ERLEC1: variants seen among roughly 807,000 people sequenced by gnomAD.
ERLEC1 encodes the protein endoplasmic reticulum lectin 1, also known as ER lectin.
ERLEC1 carries 47 observed loss-of-function variants against 68.0 expected under a neutral mutation model. The observed-to-expected ratio is 0.69, with a 90% confidence interval of 0.55 to 0.88. The LOEUF (loss-of-function observed/expected upper bound fraction) is 0.88. Ranked by LOEUF, ERLEC1 falls within the 40% of genes least tolerant of loss-of-function variation. The pLI, the probability that ERLEC1 is intolerant of heterozygous loss-of-function variation, is 0.00. For missense variants in ERLEC1, 567 were observed against 583.8 expected (o/e 0.97, Z 0.30); for synonymous variants, 225 against 203.2 (o/e 1.11, Z -0.91).
chr2:53,810,868 G>C (rs1676557171), intron 10 of ERLEC1, among the ~76,000 whole-genome samples: 1 of 152,022 alleles, frequency 6.6e-6, no homozygotes, highest in African/African-American at 2.4e-5. Flanking sequence ...TAACAATACA[G>C]AAAAAGGATA....
chr2:53,804,229 G>T (rs1676158343), intron 8 of ERLEC1, among the ~76,000 whole-genome samples: 1 of 152,080 alleles, frequency 6.6e-6, no homozygotes, highest in African/African-American at 2.4e-5. Context: ...TGGAGTACAT[G>T]AGATATTTTA....
chr2:53,803,958 A>G (rs1676140381), intron 8 of ERLEC1, among the ~76,000 whole-genome samples: 1 of 152,082 alleles, frequency 6.6e-6, no homozygotes, highest in East Asian at 1.9e-4. Flanking sequence ...GCAAAACCCC[A>G]TCTCTACTAA....
intron 1 of ERLEC1, among the ~76,000 whole-genome samples, chr2:53,792,637 GT>G (rs142458694): frequency 6.6e-6 from 1 of 151,772 alleles, no homozygotes; most frequent in East Asian, 1.9e-4. Flanking sequence ...GCTTTGTTTT[GT>G]TTTTTTTGTC....
At chr2:53,790,758 C>A (rs918450133) in intron 1 of ERLEC1, among the ~76,000 whole-genome samples, 16 of 152,112 alleles carry the variant, frequency 1.1e-4, no homozygotes, top group Non-Finnish European at 2.1e-4. Context: ...TAGGCATGAG[C>A]CACCTCACCT....
intron 9 of ERLEC1, 73 bp downstream of exon 9, chr2:53,808,533 C>A: frequency 6.9e-7 from 1 of 1,441,604 alleles, no homozygotes; most frequent in Non-Finnish European, 9.5e-7. Flanking sequence ...TGGGCATCAG[C>A]AGCACTGAAA....
At chr2:53,808,252 A>C (rs756982298) in intron 8 of ERLEC1, 47 bp from the exon 9 acceptor site, 2 of 1,566,008 alleles carry the variant, frequency 1.3e-6, no homozygotes, top group Non-Finnish European at 8.6e-7. Flanking sequence ...TGAAAAAAGA[A>C]ATTAAGTTTG....
intron 10 of ERLEC1, 133 bp downstream of exon 10, chr2:53,809,406 ATC>A (rs1160920568): frequency 1.5e-6 from 1 of 681,268 alleles, no homozygotes; most frequent in African/African-American, 1.9e-5. Context: ...TAATCAAAGT[ATC>A]TCCAAATTTT....
chr2:53,816,820 G>A (rs1357238069), intron 13 of ERLEC1, among the ~76,000 whole-genome samples: 1 of 151,900 alleles, frequency 6.6e-6, no homozygotes, highest in African/African-American at 2.4e-5. Context: ...TGGATTTGTG[G>A]GTTGATATAT....
At chr2:53,815,654 G>T (rs573121933) in intron 13 of ERLEC1, among the ~76,000 whole-genome samples, 1 of 152,212 alleles carries the variant, frequency 6.6e-6, no homozygotes, top group Non-Finnish European at 1.5e-5. Flanking sequence ...CCACATGAAT[G>T]GAATCATATA....
At position 53,809,080 on chromosome 2, in the gene ERLEC1, T is replaced by C. The variant is rs1218174108; in HGVS notation, c.1042-134T>C. On this transcript the variant is annotated intron_variant, in intron 9 of 13. Transcript: ENST00000185150. ...ATTTGTCTTTAATTTCTCAGTAATG[T>C]TTTCTTTTAATATTCAACCATACTA... 4.6e-6 allele frequency: 3 copies of C among 653,334 alleles called. No homozygotes were observed. In the African/African-American group the frequency reaches 5.8e-5, roughly 13 times the overall value. The allele number at this position is 653,334 out of a possible 1,614,324, so 40.5% of individuals were successfully genotyped here. A position where few individuals can be genotyped will look rare whatever the true frequency, so the allele number is the denominator to read the frequency against.
In ERLEC1 at chr2:53,801,468, T is replaced by C. The variant is rs889927285; in HGVS notation, c.597T>C (p.Cys199=). 14 of 1,614,064 alleles carry C rather than the reference T, an allele frequency of 8.7e-6. No individual in the cohort carries two copies. In the African/African-American group the frequency reaches 1.9e-4, roughly 22 times the overall value. The part of the protein sequence containing the change: ...YPVGMGNGTP[C]SLKQNRPRSS... Reference sequence around the variant, plus strand: ...TGGGAATGGGAAATGGTACACCTTGTAGTTTGAAACAGAACCGGCCCAGAT... The same window carrying C: ...TGGGAATGGGAAATGGTACACCTTGCAGTTTGAAACAGAACCGGCCCAGAT... Residue 199 remains cysteine (C), a synonymous_variant, in exon 7 of 14, where the codon TGT becomes TGC. Transcript: ENST00000185150.
At chr2:53,808,147 C>A in intron 8 of ERLEC1, 152 bp from the exon 9 acceptor site, 1 of 740,648 alleles carries the variant, frequency 1.4e-6, no homozygotes, top group Non-Finnish European at 2.1e-6. Context: ...ATGCTAAGTG[C>A]TGCAAAGTCC....
rs536070237 is a variant in ERLEC1 at position 53,805,339 on chromosome 2, T to C, written c.880-2960T>C. ...ACCCAGCTACAGGATCTTATTCTTA[T>C]TTATTGCTGAATAGTACTCCATTGT... On this transcript the variant is annotated intron_variant, in intron 8 of 13. Coordinates refer to ENST00000185150, the MANE Select transcript of ERLEC1 (RefSeq NM_015701.5). Among the ~76,000 whole-genome samples, 3 of 152,210 alleles carry C rather than the reference T, an allele frequency of 2.0e-5. No individual in the cohort carries two copies. The East Asian group carries it at 5.8e-4, about 29-fold the overall frequency.
At chr2:53,811,684 A>G (rs1676598744) in intron 10 of ERLEC1, among the ~76,000 whole-genome samples, 1 of 152,210 alleles carries the variant, frequency 6.6e-6, no homozygotes, top group African/African-American at 2.4e-5. Flanking sequence ...CAAAGGTTCA[A>G]TAACTTGCCT....
intron 13 of ERLEC1, 60 bp downstream of exon 13, chr2:53,814,995 C>CTTTTTTTTTTTT (rs777632156): frequency 1.0e-3 from 486 of 470,022 alleles, no homozygotes; most frequent in East Asian, 1.9e-3. Context: ...ATTTTTTTTT[C>CTTTTTTTTTTTT]TTTTTTTTTT....
chr2:53,798,194 CAAAAT>C (rs890923229), intron 5 of ERLEC1, among the ~76,000 whole-genome samples: 2 of 151,974 alleles, frequency 1.3e-5, no homozygotes, highest in African/African-American at 2.4e-5. Flanking sequence ...GACTCCATTT[CAAAAT>C]AAAATAAAAT....
chr2:53,799,237 C>CT (rs562759768), intron 6 of ERLEC1, among the ~76,000 whole-genome samples, 156 bp downstream of exon 6: 10 of 151,958 alleles, frequency 6.6e-5, no homozygotes, highest in Non-Finnish European at 1.5e-4. Flanking sequence ...CAGTATATTC[C>CT]TTTTTTCCGA....
chr2:53,817,847 G>C, intron 13 of ERLEC1, 51 bp from the exon 14 acceptor site: 1 of 1,110,404 alleles, frequency 9.0e-7, no homozygotes, highest in South Asian at 1.2e-5. Flanking sequence ...GAATAGTACT[G>C]AAAAGTATTC....
chr2:53,797,539 G>T lies in ERLEC1; in HGVS notation c.373G>T (p.Val125Leu). 2 of 1,612,556 alleles carry T rather than the reference G, an allele frequency of 1.2e-6. No individual in the cohort carries two copies. Among genetic ancestry groups the T allele is most frequent in the Non-Finnish European group, 1.7e-6 (2 of 1,179,548 alleles). Residue 125 changes from valine to leucine, a missense_variant, in exon 4 of 14, where the codon GTA (valine) becomes TTA (leucine). Physicochemically the swap from Val to Leu is conservative, Grantham distance 32 (BLOSUM62 1). Transcript: ENST00000185150. ...GATTGAGTCTTATTGGACTTACGAA[G>T]TATGTCATGGAAAACACATTCGGCA... Reference protein sequence around the residue: ...YRIESYWTYEVCHGKHIRQYH... With the variant: ...YRIESYWTYELCHGKHIRQYH...
Sources: gnomAD v4.1 joint callset for allele counts (sites outside exome capture counted in the v4.1 genomes callset) on GRCh38, gnomAD v4.1.1 for gene constraint, MANE v1.5 for transcripts, NCBI Gene and HGNC (gene_info 2026-07-23, HGNC 2026-07-21) for gene names.